The following CLCN6 variants were observed in gnomAD, a reference collection of about 807,000 sequenced individuals.
CLCN6 encodes Cl-/H+ antiporter 6.
A neutral mutation model predicts 109.8 loss-of-function variants in CLCN6; 70 were observed. The observed-to-expected ratio is 0.64, with a 90% CI of 0.53 to 0.78. The LOEUF (loss-of-function observed/expected upper bound fraction) is 0.78. CLCN6 is among the 30% of genes least tolerant of loss of function. CLCN6 has a pLI of 0.00. For missense variants in CLCN6, 984 were observed against 1,142.3 expected (o/e 0.86, Z 2.00); for synonymous variants, 444 against 447.8 (o/e 0.99, Z 0.11).
At chr1:11,806,394 G>A (rs3737965) in intron 1 of CLCN6, 45 bp downstream of exon 1, 73,978 of 1,454,100 alleles carry the variant, frequency 0.051, 2,228 homozygotes, top group East Asian at 0.11. Flanking sequence ...CGGTTGCTAA[G>A]GGACTGAGAG....
chr1:11,806,697 C>T (rs1248278298), intron 1 of CLCN6: 2 of 361,232 alleles, frequency 5.5e-6, no homozygotes, highest in South Asian at 5.7e-5. Flanking sequence ...TTTAGCTTCT[C>T]CAGTCCTTTC....
intron 22 of CLCN6, among the ~76,000 whole-genome samples, chr1:11,839,768 A>G (rs1644996208): frequency 6.6e-6 from 1 of 152,230 alleles, no homozygotes; most frequent in South Asian, 2.1e-4. Context: ...AATGACTCCC[A>G]TAGGTCACTT....
chr1:11,837,289 C>G (rs960837952), intron 19 of CLCN6, 54 bp from the exon 20 acceptor site: 9 of 1,591,438 alleles, frequency 5.7e-6, no homozygotes, highest in South Asian at 1.1e-5. Context: ...GAACATGGAT[C>G]AGAAGCGCTC....
intron 18 of CLCN6, 57 bp from the exon 19 acceptor site, chr1:11,836,942 C>G (rs777571669): frequency 2.3e-5 from 36 of 1,586,130 alleles, no homozygotes; most frequent in East Asian, 6.7e-5. Flanking sequence ...TAAGCTCCAT[C>G]AGTACTGCTG....
intron 5 of CLCN6, 137 bp from the exon 6 acceptor site, chr1:11,822,558 T>C (rs1037820395): frequency 5.3e-6 from 3 of 561,200 alleles, no homozygotes; most frequent in Non-Finnish European, 9.6e-6. Flanking sequence ...AGGCAGTTTT[T>C]AAAAAATTTT....
At position 11,827,367 on chromosome 1, in the gene CLCN6, A is replaced by T. The variant is rs550630791; in HGVS notation, c.840+146A>T. 4.1e-5 allele frequency: 30 copies of T among 724,182 alleles called. No individual in the cohort carries two copies. In the South Asian group the frequency reaches 6.8e-4, roughly 16 times the overall value. 44.9% of individuals were successfully genotyped at this position (724,182 alleles called of 1,614,324 possible). On this transcript the variant is annotated intron_variant, in intron 10 of 22. Transcript: ENST00000346436. ...CTTTCCTCTTGTGCCCATAACCTCC[A>T]CACTGGACTTTCTGTACTTCTCATA...
rs3073085 is a variant in CLCN6, at chr1:11,808,227, T to TTGTGTGTG, written c.147+1073_147+1080dup. On this transcript the variant is annotated intron_variant, in intron 2 of 22. Transcript: ENST00000346436. ...TTTTTTATTGTATGTGTGTGTGTGT[T>TTGTGTGTG]TGTGTGTGTGTGTGTGTGTGTGTGT... 7.2e-3 allele frequency among the ~76,000 whole-genome samples: 1,008 copies of TTGTGTGTG among 139,226 alleles called. 3 individuals carry two copies. Among genetic ancestry groups the TTGTGTGTG allele is most frequent in the African/African-American group, 0.011 (415 of 36,908 alleles). 91.3% of individuals were successfully genotyped at this position (139,226 alleles called of 152,430 possible).
At chr1:11,830,737 T>TCATA (rs1359328796) in intron 13 of CLCN6, among the ~76,000 whole-genome samples, 14 of 91,126 alleles carry the variant, frequency 1.5e-4, no homozygotes, top group Admixed American at 1.4e-3. Flanking sequence ...TATGTATATA[T>TCATA]TATATATATA....
intron 13 of CLCN6, among the ~76,000 whole-genome samples, chr1:11,831,084 C>T (rs1209411538): frequency 6.6e-6 from 1 of 151,970 alleles, no homozygotes; most frequent in African/African-American, 2.4e-5. Flanking sequence ...CCACCCATCT[C>T]GGCCTCCCAA....
rs577373827 is a variant in CLCN6 at position 11,820,794 on chromosome 1, G to A, written c.346+1240G>A. 9.0e-4 allele frequency: 147 copies of A among 163,820 alleles called. 1 individual carries two copies. The highest frequency in any genetic ancestry group is 1.6e-3 in the Non-Finnish European group (119 of 75,546). 10.1% of individuals were successfully genotyped at this position (163,820 alleles called of 1,614,324 possible). A position where few individuals can be genotyped will look rare whatever the true frequency, so the allele number is the denominator to read the frequency against. On this transcript the variant is annotated intron_variant, in intron 5 of 22. Coordinates refer to ENST00000346436, the MANE Select transcript of CLCN6 (RefSeq NM_001286.5). ...AAACAAACAAACAAAAACATCAATG[G>A]CTGGGTGCAGTGGCTCATGCCTGTA...
rs768892949 is a variant in CLCN6 at position 11,824,472 on chromosome 1, T to C, written c.581-14T>C. 1 of 1,610,918 alleles carries C rather than the reference T, an allele frequency of 6.2e-7. No homozygotes were observed. Among genetic ancestry groups the C allele is most frequent in the South Asian group, 1.1e-5 (1 of 90,706 alleles). On this transcript the variant is annotated splice_polypyrimidine_tract_variant and intron_variant, in intron 7 of 22. Coordinates refer to ENST00000346436, the MANE Select transcript of CLCN6 (RefSeq NM_001286.5). ...TGCACTGACTGTTGGTCTTTCCTTT[T>C]TCACCCTGCCCAGGGCTCTTCGTGG...
rs1414793288 is a variant in CLCN6, at chr1:11,838,331, G to T, written c.2296-4G>T. 19 of 1,613,084 alleles carry T rather than the reference G, an allele frequency of 1.2e-5. No individual in the cohort carries two copies. The highest frequency in any genetic ancestry group is 1.6e-5 in the Non-Finnish European group (19 of 1,179,900). Reference sequence around the variant, plus strand: ...CACGGACAGTGTCTGGGTTGGAATTGCAGAGCGCCAGCCAGCCGCGCCTCT... The same window carrying T: ...CACGGACAGTGTCTGGGTTGGAATTTCAGAGCGCCAGCCAGCCGCGCCTCT... On this transcript the variant is annotated splice_region_variant and splice_polypyrimidine_tract_variant and intron_variant, in intron 20 of 22. Coordinates refer to ENST00000346436, the MANE Select transcript of CLCN6 (RefSeq NM_001286.5).
At chr1:11,816,519 G>A (rs147082311) in intron 3 of CLCN6, 96 bp from the exon 4 acceptor site, 51 of 1,107,650 alleles carry the variant, frequency 4.6e-5, no homozygotes, top group South Asian at 3.9e-4. Context: ...TGCTCTCCAC[G>A]TGGAATTTAG....
At chr1:11,819,166 C>G (rs186583098) in intron 4 of CLCN6, among the ~76,000 whole-genome samples, 1 of 152,282 alleles carries the variant, frequency 6.6e-6, no homozygotes, top group Admixed American at 6.5e-5. Context: ...TCCAGGGAAG[C>G]CAAAAGAGTA....
intron 13 of CLCN6, among the ~76,000 whole-genome samples, chr1:11,833,308 C>T (rs1644902888): frequency 6.6e-6 from 1 of 152,116 alleles, no homozygotes; most frequent in African/African-American, 2.4e-5. Context: ...GAACAAAAGG[C>T]CCTCATCCCG....
chr1:11,825,814 G>C (rs1570529650), intron 8 of CLCN6, among the ~76,000 whole-genome samples: 1 of 152,136 alleles, frequency 6.6e-6, no homozygotes. Flanking sequence ...GTAGAGACAG[G>C]GTTTTGCCAC....
chr1:11,840,751 C>T lies in CLCN6; in HGVS notation c.*528C>T, dbSNP rs959215618. ...CTTCCCTTATTTGGGACTCTTAACA[C>T]GGTATCCTCGCTAGTTGGTTTTAAG... On this transcript the variant is annotated 3_prime_UTR_variant, in exon 23 of 23. Coordinates refer to ENST00000346436, the MANE Select transcript of CLCN6 (RefSeq NM_001286.5). 1.4e-4 allele frequency: 25 copies of T among 180,048 alleles called. 3 individuals carry two copies. Among genetic ancestry groups the T allele is most frequent in the Admixed American group, 4.3e-4 (8 of 18,656 alleles). The allele number at this position is 180,048 out of a possible 1,614,324, so 11.2% of individuals were successfully genotyped here.
chr1:11,823,742 A>C lies in CLCN6; in HGVS notation c.489A>C (p.Lys163Asn). The C allele has an allele frequency of 6.2e-7, 1 of 1,614,266 alleles. No individual in the cohort carries two copies. The highest frequency in any genetic ancestry group is 8.5e-7 in the Non-Finnish European group (1 of 1,180,044). Residue 163 changes from lysine (K) to asparagine (N), a missense_variant, in exon 7 of 23, where the codon AAA (lysine) becomes AAC (asparagine). Transcript: ENST00000346436. ...VAAGSGIPEV[K>N]CYLNGVKVPG... is the part of the protein sequence containing the mutation. Reference sequence around the variant, plus strand: ...CAGGTTCCGGGATACCCGAGGTCAAATGCTATCTGAATGGCGTAAAGGTGC... The same window carrying C: ...CAGGTTCCGGGATACCCGAGGTCAACTGCTATCTGAATGGCGTAAAGGTGC...
rs538662051 is a variant in CLCN6 at position 11,828,475 on chromosome 1, A to G, written c.972A>G (p.Lys324=). 6.2e-7 allele frequency: 1 copy of G among 1,614,152 alleles called. No homozygotes were observed. The highest frequency in any genetic ancestry group is 2.2e-5 in the East Asian group (1 of 44,886). Residue 324 remains lysine, a synonymous_variant, in exon 12 of 23, where the codon AAA becomes AAG. Coordinates refer to ENST00000346436, the MANE Select transcript of CLCN6 (RefSeq NM_001286.5). The stretch of plus-strand genomic sequence containing the variant: ...TCTCTCAGTGCTCTGACTCTGATAA[A>G]AAATGTCATCTCTGGACAGCTATGG... ...FGEFKCSDSD[K]KCHLWTAMDL...
Sources: allele counts gnomAD v4.1 joint callset (sites outside exome capture counted in the v4.1 genomes callset), GRCh38; gene constraint gnomAD v4.1.1; transcripts MANE v1.5; gene names NCBI Gene and HGNC (gene_info 2026-07-23, HGNC 2026-07-21).